AGMO: variants seen among roughly 807,000 people sequenced by gnomAD.
AGMO encodes the protein glyceryl-ether monooxygenase.
In AGMO, 75 loss-of-function variants were observed where a neutral mutation model predicts 60.2. That is an observed-to-expected ratio of 1.25 (90% CI 1.03 to 1.51). The LOEUF (loss-of-function observed/expected upper bound fraction) is 1.51, where lower values mean the gene tolerates loss of function less well. Ranked by LOEUF, AGMO falls within the 40% of genes most tolerant of loss-of-function variation. AGMO has a pLI of 0.00. For missense variants in AGMO, 763 were observed against 525.5 expected (o/e 1.45, Z -4.42); for synonymous variants, 261 against 177.1 (o/e 1.47, Z -3.76).
At chr7:15,267,578 A>C (rs1783470582) in intron 12 of AGMO, among the ~76,000 whole-genome samples, 1 of 152,020 alleles carries the variant, frequency 6.6e-6, no homozygotes, top group African/African-American at 2.4e-5. Context: ...ACAACAGTTC[A>C]CACTTTTTCT....
At chr7:15,220,540 A>G (rs1395854128) in intron 12 of AGMO, among the ~76,000 whole-genome samples, 1 of 151,920 alleles carries the variant, frequency 6.6e-6, no homozygotes, top group Non-Finnish European at 1.5e-5. Flanking sequence ...TAAGGCCTGG[A>G]AAAATATCAA....
intron 12 of AGMO, among the ~76,000 whole-genome samples, chr7:15,225,139 C>T (rs1463282339): frequency 1.3e-5 from 2 of 151,476 alleles, no homozygotes; most frequent in African/African-American, 2.4e-5. Flanking sequence ...TTGTTTGATA[C>T]AGATTTTTAT....
chr7:15,347,607 G>A (rs995820683), intron 12 of AGMO, among the ~76,000 whole-genome samples: 10 of 120,276 alleles, frequency 8.3e-5, no homozygotes, highest in Non-Finnish European at 1.4e-4. Flanking sequence ...CGAACTCACT[G>A]ATTTCCCAAA....
chr7:15,162,699 T>C, the AGMO span, among the ~76,000 whole-genome samples: 1 of 152,046 alleles, frequency 6.6e-6, no homozygotes, highest in African/African-American at 2.4e-5. Flanking sequence ...ATCTCAAAAA[T>C]AGTAATAATA....
chr7:15,198,455 C>A (rs1266193171), downstream of AGMO, among the ~76,000 whole-genome samples: 2 of 152,130 alleles, frequency 1.3e-5, no homozygotes, highest in African/African-American at 4.8e-5. Context: ...TAATAATGCA[C>A]AGAGGCCCTA....
At chr7:15,414,018 TA>T (rs1780686473) in intron 5 of AGMO, among the ~76,000 whole-genome samples, 2 of 152,274 alleles carry the variant, frequency 1.3e-5, no homozygotes, top group African/African-American at 4.8e-5. Flanking sequence ...TATTTTTTAT[TA>T]TTTTTTTAGA....
intron 12 of AGMO, among the ~76,000 whole-genome samples, chr7:15,343,557 G>C (rs951724724): frequency 8.5e-5 from 13 of 152,202 alleles, no homozygotes; most frequent in African/African-American, 3.1e-4. Context: ...TTACTATCAG[G>C]TATAGAAATA....
At chr7:15,299,703 C>T (rs760008040) in intron 12 of AGMO, among the ~76,000 whole-genome samples, 37 of 152,030 alleles carry the variant, frequency 2.4e-4, no homozygotes, top group Non-Finnish European at 4.1e-4. Flanking sequence ...TGGCACACAC[C>T]TGTAGTTCCA....
rs78905147 is a variant in AGMO at position 15,383,294 on chromosome 7, G to C, written c.1074+2152C>G. ...GAAAAGCATAGCTGTAGGAAGTAAA[G>C]AAGATTCCTGATGACATTATTTGCC... On this transcript the variant is annotated intron_variant, in intron 10 of 12. Transcript: ENST00000342526. 4.1e-3 allele frequency among the ~76,000 whole-genome samples: 617 copies of C among 152,212 alleles called. 1 individual carries two copies. The highest frequency in any genetic ancestry group is 6.1e-3 in the Non-Finnish European group (418 of 68,012).
chr7:15,222,046 G>A (rs992269108), intron 12 of AGMO, among the ~76,000 whole-genome samples: 2 of 151,998 alleles, frequency 1.3e-5, no homozygotes, highest in Admixed American at 6.6e-5. Context: ...TAATATAATC[G>A]TGCAGTTTTC....
intron 12 of AGMO, among the ~76,000 whole-genome samples, chr7:15,260,381 A>G (rs1160075900): frequency 2.0e-5 from 3 of 152,116 alleles, no homozygotes; most frequent in South Asian, 4.1e-4. Context: ...TTATCAGACA[A>G]AAGAAACTTT....
At chr7:15,392,414 T>C (rs891409562) in intron 6 of AGMO, among the ~76,000 whole-genome samples, 6 of 152,026 alleles carry the variant, frequency 3.9e-5, no homozygotes, top group Non-Finnish European at 8.8e-5. Context: ...TATAATCCCC[T>C]TGGCCTCTCC....
At chr7:15,249,065 G>C (rs987632770) in intron 12 of AGMO, among the ~76,000 whole-genome samples, 4 of 152,220 alleles carry the variant, frequency 2.6e-5, no homozygotes, top group Non-Finnish European at 5.9e-5. Flanking sequence ...TGTAGGGTTG[G>C]CCAGGAAAAT....
chr7:15,222,782 A>C (rs1033464252), intron 12 of AGMO, among the ~76,000 whole-genome samples: 7 of 151,994 alleles, frequency 4.6e-5, no homozygotes, highest in African/African-American at 1.7e-4. Context: ...CACTCAAAAC[A>C]TTTCTGAATA....
At chr7:15,133,104 T>A in the AGMO span, among the ~76,000 whole-genome samples, 2 of 152,208 alleles carry the variant, frequency 1.3e-5, no homozygotes, top group Non-Finnish European at 2.9e-5. Context: ...CTCCATTTTA[T>A]CTATAAAGCT....
At chr7:15,354,452 G>GTGTATA (rs1782419658) in intron 12 of AGMO, among the ~76,000 whole-genome samples, 1 of 22,220 alleles carries the variant, frequency 4.5e-5, no homozygotes, top group Non-Finnish European at 7.2e-5. Context: ...ACACGTGTGT[G>GTGTATA]TATACACACG....
At chr7:15,271,103 G>C (rs1356736314) in intron 12 of AGMO, among the ~76,000 whole-genome samples, 1 of 152,078 alleles carries the variant, frequency 6.6e-6, no homozygotes, top group Non-Finnish European at 1.5e-5. Context: ...CAGGGAATAA[G>C]ATGCATCCAG....
chr7:15,347,929 T>C (rs375977694), intron 12 of AGMO, among the ~76,000 whole-genome samples: 35 of 152,164 alleles, frequency 2.3e-4, no homozygotes, highest in African/African-American at 7.5e-4. Context: ...TAGCCCTATC[T>C]TTATGTCAAA....
At chr7:15,215,659 T>A (rs7809641) in intron 12 of AGMO, among the ~76,000 whole-genome samples, 14,131 of 152,084 alleles carry the variant, frequency 0.093, 805 homozygotes, top group South Asian at 0.2. Flanking sequence ...AACTAGTTTA[T>A]AATATTTGTG....
Sources: allele counts gnomAD v4.1 joint callset (sites outside exome capture counted in the v4.1 genomes callset), GRCh38; gene constraint gnomAD v4.1.1; transcripts MANE v1.5; gene names NCBI Gene and HGNC (gene_info 2026-07-23, HGNC 2026-07-21).